PPP4R3B: variants seen among roughly 807,000 people sequenced by gnomAD.
The protein encoded by PPP4R3B is protein phosphatase 4 regulatory subunit 3B.
PPP4R3B carries 52 observed loss-of-function variants against 95.4 expected under a neutral mutation model. That is an observed-to-expected ratio of 0.54 (90% confidence interval 0.44 to 0.69). The LOEUF is 0.69. PPP4R3B is among the 30% of genes least tolerant of loss of function. The pLI is 0.00. For synonymous variants in PPP4R3B, 407 were observed against 343.9 expected (o/e 1.18, Z -2.03); for missense variants, 1,003 against 1,005.9 (o/e 1.00, Z 0.04).
chr2:55,582,959 AT>A (rs1372831897), intron 7 of PPP4R3B, among the ~76,000 whole-genome samples: 1 of 152,126 alleles, frequency 6.6e-6, no homozygotes, highest in East Asian at 1.9e-4. Context: ...TTATTGCTAA[AT>A]TTACCCTTTC....
rs567538714 is a variant in PPP4R3B, at chr2:55,608,739, C to T, written c.199-4663G>A. 3.3e-5 allele frequency among the ~76,000 whole-genome samples: 5 copies of T among 152,274 alleles called. No individual in the cohort carries two copies. The East Asian group carries it at 7.7e-4, about 23-fold the overall frequency. ...GAGGCTCATGCCTGTAATCCCAGCA[C>T]TTTTGGAGCCCAAAGAGGGAGAATT... On this transcript the variant is annotated intron_variant, in intron 2 of 16. Transcript: ENST00000616407.
At chr2:55,591,107 T>C (rs1344270304) in intron 4 of PPP4R3B, among the ~76,000 whole-genome samples, 1 of 152,080 alleles carries the variant, frequency 6.6e-6, no homozygotes, top group African/African-American at 2.4e-5. Flanking sequence ...TTTATATGCA[T>C]ATGTAATCTT....
chr2:55,557,918 A>T (rs1574672404), intron 16 of PPP4R3B, among the ~76,000 whole-genome samples: 2 of 152,340 alleles, frequency 1.3e-5, no homozygotes. Context: ...TGTTATAAGA[A>T]CAACAGAAAG....
At chr2:55,577,433 C>T (rs562539626) in intron 10 of PPP4R3B, 77 bp from the exon 11 acceptor site, 18 of 1,246,472 alleles carry the variant, frequency 1.4e-5, no homozygotes, top group Non-Finnish European at 1.9e-5. Context: ...TTATAATATA[C>T]AATGCATGTC....
chr2:55,609,393 T>C (rs992596695), intron 2 of PPP4R3B, among the ~76,000 whole-genome samples: 1 of 152,134 alleles, frequency 6.6e-6, no homozygotes, highest in Non-Finnish European at 1.5e-5. Context: ...TTTAAGACCT[T>C]TTCATGGGCT....
At chr2:55,572,774 G>A (rs888720537) in intron 12 of PPP4R3B, among the ~76,000 whole-genome samples, 3 of 152,142 alleles carry the variant, frequency 2.0e-5, no homozygotes, top group East Asian at 1.9e-4. Flanking sequence ...ACCACAGTGA[G>A]ATGTGGAGTG....
chr2:55,563,549 T>G (rs1686894964), intron 15 of PPP4R3B, among the ~76,000 whole-genome samples: 2 of 152,126 alleles, frequency 1.3e-5, no homozygotes, highest in African/African-American at 4.8e-5. Context: ...ATTTTTGTGT[T>G]TTTTTGTAGA....
chr2:55,575,909 T>A (rs182217032), intron 11 of PPP4R3B, among the ~76,000 whole-genome samples: 1 of 152,232 alleles, frequency 6.6e-6, no homozygotes, highest in Non-Finnish European at 1.5e-5. Context: ...AGAATGACCA[T>A]CACATATAAA....
In PPP4R3B at chr2:55,599,039, C is replaced by G. The variant is rs1692200784; in HGVS notation, c.298G>C (p.Val100Leu). Residue 100 changes from valine to leucine, a missense_variant and splice_region_variant, in exon 4 of 17, where the codon GTT becomes CTT. Coordinates refer to ENST00000616407, the MANE Select transcript of PPP4R3B (RefSeq NM_001122964.3). ...TCCACTGATGGGTCTTTACCTTGAA[C>G]CTAAAAATATCCAAGTATACAGCTA... ...CDEIWEKICQ[V>L]QGKDPSVEVT... 1 of 1,592,644 alleles carries G rather than the reference C, an allele frequency of 6.3e-7. No homozygotes were observed. Among genetic ancestry groups the G allele is most frequent in the African/African-American group, 1.4e-5 (1 of 73,602 alleles).
intron 12 of PPP4R3B, among the ~76,000 whole-genome samples, chr2:55,571,282 C>T (rs1687963214): frequency 1.3e-5 from 2 of 150,988 alleles, no homozygotes; most frequent in Admixed American, 1.3e-4. Flanking sequence ...TACACTCCAG[C>T]CTGGGCAACA....
intron 16 of PPP4R3B, among the ~76,000 whole-genome samples, chr2:55,554,595 C>T (rs953233977): frequency 1.6e-4 from 24 of 152,136 alleles, no homozygotes; most frequent in Non-Finnish European, 2.4e-4. Context: ...CATTTTAAAA[C>T]GGGGTTGTCA....
At chr2:55,608,823 A>C (rs963569553) in intron 2 of PPP4R3B, among the ~76,000 whole-genome samples, 6 of 152,172 alleles carry the variant, frequency 3.9e-5, no homozygotes, top group African/African-American at 1.2e-4. Flanking sequence ...ATCTCTACTA[A>C]ACATTAAAAA....
chr2:55,558,220 T>C (rs1385052475), intron 16 of PPP4R3B, among the ~76,000 whole-genome samples: 1 of 152,150 alleles, frequency 6.6e-6, no homozygotes, highest in Non-Finnish European at 1.5e-5. Flanking sequence ...ACTACTAAAC[T>C]ATCCAAGAAA....
In PPP4R3B at chr2:55,564,911, T is replaced by G; in HGVS notation, c.2066A>C (p.Lys689Thr). The change falls in exon 14 of 17, where the codon AAA becomes ACA. Residue 689 changes from lysine (K) to threonine (T), a missense_variant. By Grantham distance (78) the Lys-to-Thr change is moderately conservative. This residue lies in a region of PPP4R3B where 229 missense variants were observed against 194.7 expected (regional missense o/e 1.18). Coordinates refer to ENST00000616407, the MANE Select transcript of PPP4R3B (RefSeq NM_001122964.3). ...TATACTTAAACAATACCTGTTCAGT[T>G]TCTGATTTTGTCTGTCTTTTTCTTG... ...YEQEKDRQNQ[K>T]LNSVPSILRS... 14 of 1,610,444 alleles carry G rather than the reference T, an allele frequency of 8.7e-6. No individual in the cohort carries two copies. Among genetic ancestry groups the G allele is most frequent in the Non-Finnish European group, 1.2e-5 (14 of 1,178,856 alleles).
At chr2:55,601,894 A>T (rs1464572601) in intron 3 of PPP4R3B, among the ~76,000 whole-genome samples, 1 of 152,200 alleles carries the variant, frequency 6.6e-6, no homozygotes, top group Non-Finnish European at 1.5e-5. Context: ...TGTAATGCTG[A>T]TAGAAAAACC....
intron 7 of PPP4R3B, 141 bp downstream of exon 7, chr2:55,584,910 G>T: frequency 1.5e-6 from 1 of 647,848 alleles, no homozygotes; most frequent in South Asian, 2.2e-5. Flanking sequence ...ATTCTAATTT[G>T]GCCAAAGTCA....
chr2:55,615,613 G>C, intron 1 of PPP4R3B, 107 bp from the exon 2 acceptor site: 2 of 696,212 alleles, frequency 2.9e-6, no homozygotes, highest in Admixed American at 2.9e-5. Flanking sequence ...TGTAATCCTA[G>C]CACTTTGGGA....
At chr2:55,598,074 G>C (rs1438297417) in intron 4 of PPP4R3B, among the ~76,000 whole-genome samples, 3 of 151,950 alleles carry the variant, frequency 2.0e-5, no homozygotes, top group Non-Finnish European at 4.4e-5. Context: ...AAAAAAATCA[G>C]CTGGGCATGG....
intron 2 of PPP4R3B, among the ~76,000 whole-genome samples, chr2:55,606,822 CA>C (rs61086185): frequency 0.052 from 5,592 of 106,922 alleles, 113 homozygotes; most frequent in Middle Eastern, 0.1. Flanking sequence ...GACTTTGCCT[CA>C]AAAAAAAAAA....
Sources: allele counts gnomAD v4.1 joint callset (sites outside exome capture counted in the v4.1 genomes callset), GRCh38; gene constraint gnomAD v4.1.1; regional missense constraint gnomAD v4.1.1; transcripts MANE v1.5; gene names NCBI Gene and HGNC (gene_info 2026-07-23, HGNC 2026-07-21).